MACROD2: variants seen among roughly 807,000 people sequenced by gnomAD.
MACROD2 encodes mono-ADP ribosylhydrolase 2.
A neutral mutation model predicts 70.4 loss-of-function variants in MACROD2; 36 were observed. The observed-to-expected ratio is 0.51, with a 90% CI of 0.39 to 0.68. MACROD2 has a LOEUF of 0.68. Ranked by LOEUF, MACROD2 falls within the 30% of genes least tolerant of loss-of-function variation. The pLI is 0.00. For synonymous variants in MACROD2, 172 were observed against 178.8 expected, an observed-to-expected ratio of 0.96 and a Z score of 0.30; for missense variants, 496 against 538.4, an observed-to-expected ratio of 0.92 and a Z score of 0.78.
At chr20:15,845,659 T>C (rs2064222924) in intron 8 of MACROD2, among the ~76,000 whole-genome samples, 1 of 152,134 alleles carries the variant, frequency 6.6e-6, no homozygotes, top group South Asian at 2.1e-4. Flanking sequence ...CACAGCAATC[T>C]AAACATGTCC....
chr20:14,763,327 C>G (rs1176471223), intron 5 of MACROD2, among the ~76,000 whole-genome samples: 1 of 152,116 alleles, frequency 6.6e-6, no homozygotes, highest in East Asian at 1.9e-4. Flanking sequence ...CGGGGAAACC[C>G]TGGAGACAAA....
At chr20:14,627,179 T>A (rs1185465232) in intron 4 of MACROD2, 1 of 152,216 alleles carries the variant, frequency 6.6e-6, no homozygotes. Flanking sequence ...AAATGCGTGC[T>A]GTATGTACCA....
intron 3 of MACROD2, among the ~76,000 whole-genome samples, chr20:14,432,561 A>G (rs565270350): frequency 2.0e-5 from 3 of 152,106 alleles, no homozygotes; most frequent in Admixed American, 6.6e-5. Flanking sequence ...ACAGATTGTT[A>G]TTTTAGAGCC....
chr20:15,000,359 C>A (rs1387127565), intron 5 of MACROD2, among the ~76,000 whole-genome samples: 1 of 130,024 alleles, frequency 7.7e-6, no homozygotes. Flanking sequence ...CGCGGTGGCT[C>A]ACGCCTGTAG....
intron 5 of MACROD2, among the ~76,000 whole-genome samples, chr20:14,939,794 A>G (rs995254483): frequency 5.3e-5 from 8 of 151,750 alleles, no homozygotes; most frequent in African/African-American, 1.9e-4. Flanking sequence ...AGTGTTTTAT[A>G]GTTTTCTTTG....
At chr20:14,907,290 A>T (rs914836362) in intron 5 of MACROD2, among the ~76,000 whole-genome samples, 3 of 152,234 alleles carry the variant, frequency 2.0e-5, no homozygotes, top group Non-Finnish European at 4.4e-5. Context: ...GAGCACACTG[A>T]CTATGGGATG....
At chr20:14,141,470 G>A (rs2054872071) in intron 3 of MACROD2, among the ~76,000 whole-genome samples, 1 of 152,126 alleles carries the variant, frequency 6.6e-6, no homozygotes, top group South Asian at 2.1e-4. Context: ...GGGCGGCTGG[G>A]CGCAGTGGCT....
intron 3 of MACROD2, among the ~76,000 whole-genome samples, chr20:14,466,077 G>A (rs1296959465): frequency 6.6e-6 from 1 of 151,974 alleles, no homozygotes; most frequent in Non-Finnish European, 1.5e-5. Flanking sequence ...TTGAATGTTG[G>A]CCTGCCTTGC....
At chr20:14,324,393 A>G (rs900443830) in intron 3 of MACROD2, 1 of 152,572 alleles carries the variant, frequency 6.6e-6, no homozygotes, top group African/African-American at 2.4e-5. Context: ...TTACGAGTTC[A>G]TTATATAATA....
At chr20:16,035,028 A>G (rs2067203600) in intron 15 of MACROD2, among the ~76,000 whole-genome samples, 1 of 133,946 alleles carries the variant, frequency 7.5e-6, no homozygotes, top group South Asian at 2.5e-4. Flanking sequence ...CTATCATATA[A>G]CTAATATATA....
chr20:14,870,088 T>C (rs1362072720), intron 5 of MACROD2, among the ~76,000 whole-genome samples: 1 of 152,126 alleles, frequency 6.6e-6, no homozygotes, highest in African/African-American at 2.4e-5. Flanking sequence ...TTTTTCCTGA[T>C]CTCTTTCTCT....
At chr20:14,875,728 C>T (rs966828529) in intron 5 of MACROD2, among the ~76,000 whole-genome samples, 1 of 152,068 alleles carries the variant, frequency 6.6e-6, no homozygotes, top group Non-Finnish European at 1.5e-5. Context: ...TAAGTTGGAA[C>T]ATGCAGTATT....
chr20:16,049,987 C>T lies in MACROD2; in HGVS notation c.*111C>T, dbSNP rs1042594312. On this transcript the variant is annotated 3_prime_UTR_variant, in exon 18 of 18. Coordinates refer to ENST00000684519, the MANE Select transcript of MACROD2 (RefSeq NM_001351661.2). ...GGGGAAGGCAAGTCCCATGGAAGGA[C>T]GGGGAATCCTTTACTCTAATTTCTC... The T allele has an allele frequency of 1.4e-5, 11 of 796,230 alleles. No homozygotes were observed. The highest frequency in any genetic ancestry group is 8.8e-5 in the African/African-American group (5 of 57,138). 49.3% of individuals were successfully genotyped at this position (796,230 alleles called of 1,614,324 possible).
intron 5 of MACROD2, among the ~76,000 whole-genome samples, chr20:15,226,320 T>C (rs1482593633): frequency 2.6e-5 from 4 of 152,208 alleles, no homozygotes; most frequent in Admixed American, 2.6e-4. Context: ...GCCTGTGTGC[T>C]GAGGACTCCT....
chr20:15,405,408 G>A (rs1568782245), intron 6 of MACROD2, among the ~76,000 whole-genome samples: 7 of 152,174 alleles, frequency 4.6e-5, no homozygotes, highest in Non-Finnish European at 1.0e-4. Flanking sequence ...CTCATACTGC[G>A]CAGAGGGGAC....
intron 6 of MACROD2, among the ~76,000 whole-genome samples, chr20:15,303,430 A>G (rs1368747444): frequency 6.6e-6 from 1 of 152,114 alleles, no homozygotes; most frequent in East Asian, 1.9e-4. Flanking sequence ...TGAGATCATA[A>G]AGTCATCATG....
At chr20:15,260,452 G>T (rs569164322) in intron 6 of MACROD2, among the ~76,000 whole-genome samples, 46 of 151,408 alleles carry the variant, frequency 3.0e-4, no homozygotes, top group South Asian at 1.2e-3. Context: ...CCACATTGTT[G>T]CAAATGACAG....
chr20:15,674,230 A>C (rs1358278136), intron 8 of MACROD2, among the ~76,000 whole-genome samples: 1 of 152,170 alleles, frequency 6.6e-6, no homozygotes, highest in African/African-American at 2.4e-5. Flanking sequence ...AGATGCTATA[A>C]GGGAGAACGG....
At chr20:14,135,506 AT>A (rs955645417) in intron 3 of MACROD2, among the ~76,000 whole-genome samples, 2,220 of 148,574 alleles carry the variant, frequency 0.015, 51 homozygotes, top group African/African-American at 0.051. Flanking sequence ...TGTCTCTACA[AT>A]TTTTTTTTTT....
Sources: gnomAD v4.1 joint callset for allele counts (sites outside exome capture counted in the v4.1 genomes callset) on GRCh38, gnomAD v4.1.1 for gene constraint, MANE v1.5 for transcripts, NCBI Gene and HGNC (gene_info 2026-07-23, HGNC 2026-07-21) for gene names.